The following IPPK variants were observed in gnomAD, a reference collection of about 807,000 sequenced individuals.
IPPK encodes the protein inositol-pentakisphosphate 2-kinase, also known as IPK1 homolog.
Under a neutral mutation model 64.6 loss-of-function variants are expected in IPPK, and 22 were observed. The observed-to-expected ratio is 0.34, with a 90% confidence interval of 0.24 to 0.49. IPPK has a LOEUF of 0.49. IPPK is among the 20% of genes least tolerant of loss of function. The probability of loss-of-function intolerance (pLI) is 0.99; values close to 1 mark genes in which losing one functional copy is unlikely to be tolerated. For missense variants in IPPK, 532 were observed against 630.7 expected, an observed-to-expected ratio of 0.84 and a Z score of 1.68; for synonymous variants, 262 against 247.2, an observed-to-expected ratio of 1.06 and a Z score of -0.56.
rs779140820 is a variant in IPPK, at chr9:92,642,802, A to G, written c.513T>C (p.Thr171=). 1.2e-6 allele frequency: 2 copies of G among 1,613,968 alleles called. No homozygotes were observed. Among genetic ancestry groups the G allele is most frequent in the Non-Finnish European group, 1.7e-6 (2 of 1,179,902 alleles). The change falls in exon 7 of 13, where the codon ACT becomes ACC. Residue 171 remains threonine (T), a synonymous_variant. Coordinates refer to ENST00000287996, the MANE Select transcript of IPPK (RefSeq NM_022755.6). ...ATTTGCTGATCTGCTTCCACTTCCC[A>G]GTTGCTACCTGTGAAAACACCAACA... ...YCMHQHLKVA[T]GKWKQISKYC... is the part of the protein sequence containing the mutation.
At chr9:92,643,263 T>C (rs1448965534) in intron 6 of IPPK, among the ~76,000 whole-genome samples, 3 of 152,250 alleles carry the variant, frequency 2.0e-5, no homozygotes, top group Non-Finnish European at 4.4e-5. Flanking sequence ...TTAAAATGCT[T>C]ATGTCCCCTG....
rs1317593211 is a variant in IPPK at position 92,670,117 on chromosome 9, C to A, written c.-129G>T. 1 of 582,590 alleles carries A rather than the reference C, an allele frequency of 1.7e-6. No homozygotes were observed. Among genetic ancestry groups the A allele is most frequent in the East Asian group, 3.5e-5 (1 of 28,956 alleles). The allele number at this position is 582,590 out of a possible 1,614,324, so 36.1% of individuals were successfully genotyped here. On this transcript the variant is annotated 5_prime_UTR_variant, in exon 1 of 13. Coordinates refer to ENST00000287996, the MANE Select transcript of IPPK (RefSeq NM_022755.6). ...CTGTCAGCTGCCGCCCCCGCTCGAC[C>A]CCGCCGCGGCGACTAGCAAGCTGTG...
chr9:92,656,616 G>A, intron 2 of IPPK, 65 bp from the exon 3 acceptor site: 1 of 1,126,210 alleles, frequency 8.9e-7, no homozygotes, highest in Non-Finnish European at 1.4e-6. Flanking sequence ...TGCTTGAGGG[G>A]AGAGGCAAAA....
intron 4 of IPPK, 146 bp from the exon 5 acceptor site, chr9:92,649,720 GA>G: frequency 3.1e-6 from 3 of 982,422 alleles, no homozygotes; most frequent in Non-Finnish European, 4.5e-6. Context: ...GGGATTGTGG[GA>G]CACACACAGT....
chr9:92,619,413 C>G (rs1201537474), intron 12 of IPPK, 73 bp downstream of exon 12: 1 of 1,217,394 alleles, frequency 8.2e-7, no homozygotes, highest in Non-Finnish European at 1.2e-6. Flanking sequence ...ACCAACTATC[C>G]TATTAACAAT....
At chr9:92,638,316 C>A (rs1166839982) in intron 8 of IPPK, 36 bp from the exon 9 acceptor site, 6 of 1,592,426 alleles carry the variant, frequency 3.8e-6, no homozygotes, top group Middle Eastern at 3.4e-4. Context: ...AAACGTCAAA[C>A]CACCAAGCTT....
At chr9:92,660,289 C>T (rs72756437) in intron 1 of IPPK, among the ~76,000 whole-genome samples, 7,811 of 152,244 alleles carry the variant, frequency 0.051, 240 homozygotes, top group South Asian at 0.11. Context: ...GTAAGTGTGA[C>T]TGAGGGTCAT....
intron 11 of IPPK, among the ~76,000 whole-genome samples, chr9:92,626,749 C>G (rs1851740394): frequency 6.6e-6 from 1 of 152,010 alleles, no homozygotes; most frequent in Non-Finnish European, 1.5e-5. Context: ...AAGCACAGCA[C>G]ACCCAAATCA....
At chr9:92,641,289 C>T (rs1278756304) in intron 7 of IPPK, among the ~76,000 whole-genome samples, 2 of 152,176 alleles carry the variant, frequency 1.3e-5, no homozygotes, top group African/African-American at 4.8e-5. Flanking sequence ...ATGGCCTCCT[C>T]CCCTACCCCC....
rs375879000 is a variant in IPPK, at chr9:92,655,641, TC to T, written c.225+814del. On this transcript the variant is annotated intron_variant, in intron 3 of 12. Transcript: ENST00000287996. ...ACAAGGGCCATCACCACACGAGTCC[TC>T]CTGCCACAGAGGATTCTGGTGGATC... 2.2e-3 allele frequency among the ~76,000 whole-genome samples: 340 copies of T among 152,276 alleles called. 1 individual carries two copies. The highest frequency in any genetic ancestry group is 8.0e-3 in the African/African-American group (334 of 41,570).
rs1564023869 is a variant in IPPK at position 92,615,145 on chromosome 9, T to C, written c.*687A>G. On this transcript the variant is annotated 3_prime_UTR_variant, in exon 13 of 13. Coordinates refer to ENST00000287996, the MANE Select transcript of IPPK (RefSeq NM_022755.6). ...TCTCCCCCTCATGTGAAAGATTAAA[T>C]TGTAAAGCAAAAAAAAAAAGGTCAA... 1 of 152,008 alleles carries C rather than the reference T, an allele frequency of 6.6e-6. No individual in the cohort carries two copies. The highest frequency in any genetic ancestry group is 1.5e-5 in the Non-Finnish European group (1 of 68,014). The allele number at this position is 152,008 out of a possible 1,614,324, so 9.4% of individuals were successfully genotyped here.
rs370523659 is a variant in IPPK, at chr9:92,658,565, A to G, written c.129+69T>C. ...CTACAACTAGCATCAATGTTTCTAC[A>G]TCGGAAAAAAAAATCAGAGTTTTCT... On this transcript the variant is annotated intron_variant, in intron 2 of 12. Coordinates refer to ENST00000287996, the MANE Select transcript of IPPK (RefSeq NM_022755.6). The G allele has an allele frequency of 1.2e-4, 162 of 1,307,738 alleles. 3 individuals carry two copies. In the South Asian group the frequency reaches 1.7e-3, roughly 13 times the overall value. 81.0% of individuals were successfully genotyped at this position (1,307,738 alleles called of 1,614,324 possible). A position where few individuals can be genotyped will look rare whatever the true frequency, so the allele number is the denominator to read the frequency against.
At chr9:92,629,898 G>A (rs1026675456) in intron 11 of IPPK, among the ~76,000 whole-genome samples, 21 of 152,132 alleles carry the variant, frequency 1.4e-4, no homozygotes, top group African/African-American at 4.6e-4. Flanking sequence ...AAGTGTTGCT[G>A]AAGATGGGAA....
chr9:92,642,926 G>T, intron 6 of IPPK, 116 bp from the exon 7 acceptor site: 2 of 873,822 alleles, frequency 2.3e-6, no homozygotes, highest in Admixed American at 1.9e-5. Context: ...CTGCAGCCTT[G>T]CCCCGGAAAA....
rs1851933585 is a variant in IPPK, at chr9:92,635,907, G to A, written c.917-599C>T. 6.6e-6 allele frequency among the ~76,000 whole-genome samples: 1 copy of A among 152,126 alleles called. No individual in the cohort carries two copies. The highest frequency in any genetic ancestry group is 2.4e-5 in the African/African-American group (1 of 41,444). Reference sequence around the variant, plus strand: ...GTCCAGAGCCATGAGCCCACACTGAGAGGCAGGTAAGACCTGGGCTGGCGA... The same window carrying A: ...GTCCAGAGCCATGAGCCCACACTGAAAGGCAGGTAAGACCTGGGCTGGCGA... On this transcript the variant is annotated intron_variant, in intron 9 of 12. Transcript: ENST00000287996. This position sits in a 1 kb window ranked among gnomAD's most constrained non-coding sequence, Gnocchi z 4.4.
intron 3 of IPPK, among the ~76,000 whole-genome samples, chr9:92,654,347 T>C (rs1852329087): frequency 6.6e-6 from 1 of 152,092 alleles, no homozygotes; most frequent in Non-Finnish European, 1.5e-5. Context: ...TGAAACCCCA[T>C]TTCCACAAGA....
intron 12 of IPPK, chr9:92,617,726 G>C (rs1851488067): frequency 6.3e-6 from 1 of 159,564 alleles, no homozygotes; most frequent in Admixed American, 6.0e-5. Context: ...GGGTGGAGAA[G>C]CCAAGGCCGC....
intron 5 of IPPK, among the ~76,000 whole-genome samples, chr9:92,648,793 C>CAGCT (rs1852199042): frequency 6.6e-6 from 1 of 152,214 alleles, no homozygotes; most frequent in African/African-American, 2.4e-5. Context: ...GCATGTGAGG[C>CAGCT]AGCTTCCTGA....
intron 4 of IPPK, 106 bp downstream of exon 4, chr9:92,652,467 A>AT: frequency 7.8e-6 from 4 of 514,792 alleles, no homozygotes; most frequent in Admixed American, 3.0e-5. Context: ...AAAAAAAAAA[A>AT]GGATTACTGA....
Sources: allele counts gnomAD v4.1 joint callset (sites outside exome capture counted in the v4.1 genomes callset), GRCh38; gene constraint gnomAD v4.1.1; non-coding constraint Gnocchi (gnomAD v3.1); transcripts MANE v1.5; gene names NCBI Gene and HGNC (gene_info 2026-07-23, HGNC 2026-07-21).